The following DSCAM variants were observed in gnomAD, a reference collection of about 807,000 sequenced individuals.
The protein encoded by DSCAM is DS cell adhesion molecule, also known as cell adhesion molecule DSCAM.
A neutral mutation model predicts 217.7 loss-of-function variants in DSCAM; 47 were observed. That is an observed-to-expected ratio of 0.22 (90% CI 0.17 to 0.28). The LOEUF (loss-of-function observed/expected upper bound fraction) is 0.28. Ranked by LOEUF, DSCAM falls within the 10% of genes least tolerant of loss-of-function variation. The pLI is 1.00. For synonymous variants in DSCAM, 1,056 were observed against 1,015.3 expected, an observed-to-expected ratio of 1.04 and a Z score of -0.76; for missense variants, 2,080 against 2,618.3, an observed-to-expected ratio of 0.79 and a Z score of 4.49.
At chr21:40,471,789 A>T (rs1569137308) in intron 3 of DSCAM, among the ~76,000 whole-genome samples, 1 of 152,086 alleles carries the variant, frequency 6.6e-6, no homozygotes, top group East Asian at 1.9e-4. Flanking sequence ...TACTTTACTT[A>T]ATTTTTATTT....
intron 3 of DSCAM, among the ~76,000 whole-genome samples, chr21:40,565,094 T>TTTGTATGCCG (rs1568908929): frequency 1.7e-4 from 26 of 152,106 alleles, no homozygotes; most frequent in Admixed American, 6.5e-4. Flanking sequence ...AGCCAAGAAG[T>TTTGTATGCCG]GCAGCCTTTG....
At chr21:40,811,206 G>A (rs888549816) in intron 1 of DSCAM, among the ~76,000 whole-genome samples, 1 of 152,200 alleles carries the variant, frequency 6.6e-6, no homozygotes, top group African/African-American at 2.4e-5. Flanking sequence ...AGCGTGCAGA[G>A]TCAAGGAGCA....
At chr21:40,314,082 G>A (rs527790361) in intron 8 of DSCAM, among the ~76,000 whole-genome samples, 67 of 152,310 alleles carry the variant, frequency 4.4e-4, no homozygotes, top group African/African-American at 8.4e-4. Context: ...AGCAGTGAAC[G>A]TGCTGGGCAC....
At chr21:40,437,680 G>A (rs963187326) in intron 3 of DSCAM, among the ~76,000 whole-genome samples, 4 of 151,834 alleles carry the variant, frequency 2.6e-5, no homozygotes, top group Admixed American at 6.6e-5. Flanking sequence ...GTGAGACCCC[G>A]TCACTACTAA....
chr21:40,550,662 G>A (rs2076622658), intron 3 of DSCAM, among the ~76,000 whole-genome samples: 3 of 152,202 alleles, frequency 2.0e-5, no homozygotes, highest in Non-Finnish European at 2.9e-5. Flanking sequence ...TTTCTCTAGA[G>A]TAGTAGTAGC....
At chr21:40,477,070 T>G (rs1404283856) in intron 3 of DSCAM, among the ~76,000 whole-genome samples, 1 of 152,190 alleles carries the variant, frequency 6.6e-6, no homozygotes, top group African/African-American at 2.4e-5. Context: ...AAATAGTATT[T>G]AAGGAAGACT....
At chr21:40,555,176 G>A (rs2076661288) in intron 3 of DSCAM, among the ~76,000 whole-genome samples, 1 of 152,142 alleles carries the variant, frequency 6.6e-6, no homozygotes, top group African/African-American at 2.4e-5. Context: ...TAAGTAACTA[G>A]CTCAGGGTCT....
At chr21:40,625,415 C>G (rs1209533825) in intron 3 of DSCAM, among the ~76,000 whole-genome samples, 3 of 152,180 alleles carry the variant, frequency 2.0e-5, no homozygotes. Context: ...AAAGGCCCAC[C>G]ATCCTGTGTC....
intron 16 of DSCAM, among the ~76,000 whole-genome samples, chr21:40,162,784 G>A (rs539407849): frequency 6.6e-6 from 1 of 152,174 alleles, no homozygotes. Flanking sequence ...AATACTGAGG[G>A]CCAAATGGTA....
At chr21:40,168,549 T>C (rs542500390) in intron 15 of DSCAM, among the ~76,000 whole-genome samples, 1 of 152,298 alleles carries the variant, frequency 6.6e-6, no homozygotes, top group South Asian at 2.1e-4. Flanking sequence ...TTGACAATTT[T>C]TAGATCACTG....
At chr21:40,831,521 A>G (rs2092011998) in intron 1 of DSCAM, among the ~76,000 whole-genome samples, 1 of 152,138 alleles carries the variant, frequency 6.6e-6, no homozygotes, top group African/African-American at 2.4e-5. Context: ...CTGATACAAA[A>G]CTCACAATTT....
chr21:40,836,088 A>T (rs1219089868), intron 1 of DSCAM, among the ~76,000 whole-genome samples: 1 of 152,186 alleles, frequency 6.6e-6, no homozygotes, highest in Non-Finnish European at 1.5e-5. Context: ...CAAAACCTCT[A>T]GCTGCAAACA....
chr21:40,108,986 TA>T (rs1568944317), intron 20 of DSCAM, among the ~76,000 whole-genome samples: 1 of 152,174 alleles, frequency 6.6e-6, no homozygotes, highest in Non-Finnish European at 1.5e-5. Context: ...TTACACGATA[TA>T]CAAAAATCAA....
At chr21:40,084,442 A>T (rs1226951582) in intron 23 of DSCAM, among the ~76,000 whole-genome samples, 4 of 151,982 alleles carry the variant, frequency 2.6e-5, no homozygotes, top group Non-Finnish European at 4.4e-5. Flanking sequence ...GAGGAAAAAT[A>T]GCTAGTGGGA....
intron 11 of DSCAM, among the ~76,000 whole-genome samples, chr21:40,212,877 C>G (rs558676275): frequency 6.6e-6 from 1 of 152,154 alleles, no homozygotes. Flanking sequence ...GGAGAAGGCA[C>G]AGAGACACAA....
intron 1 of DSCAM, among the ~76,000 whole-genome samples, chr21:40,779,640 G>A (rs2091521859): frequency 6.6e-6 from 1 of 152,184 alleles, no homozygotes. Flanking sequence ...ATGATAAAAA[G>A]TTAAGAGGAA....
chr21:40,045,008 T>G (rs1037688117), intron 30 of DSCAM, among the ~76,000 whole-genome samples: 11 of 152,152 alleles, frequency 7.2e-5, no homozygotes, highest in African/African-American at 2.7e-4. Context: ...TGGAATAGGG[T>G]TGGCCCTTAA....
At chr21:40,443,139 T>G (rs921180354) in intron 3 of DSCAM, among the ~76,000 whole-genome samples, 3 of 152,228 alleles carry the variant, frequency 2.0e-5, no homozygotes, top group African/African-American at 4.8e-5. Flanking sequence ...AGGAAGGCTA[T>G]GTGGATCTTC....
rs560495820 is a variant in DSCAM, at chr21:40,039,870, A to G, written c.5686+2501T>C. Among the ~76,000 whole-genome samples the G allele has an allele frequency of 2.0e-4, 30 of 152,322 alleles. No individual in the cohort carries two copies. The South Asian group carries it at 6.2e-3, about 32-fold the overall frequency. On this transcript the variant is annotated intron_variant, in intron 32 of 32. Transcript: ENST00000400454. Reference sequence around the variant, plus strand: ...AAAGGACCATCAGAAAAGAAGCTCTAAAGTTGAGGAGGAAGAAATTGAGAG... The same window carrying G: ...AAAGGACCATCAGAAAAGAAGCTCTGAAGTTGAGGAGGAAGAAATTGAGAG...
Sources: allele counts gnomAD v4.1 joint callset (sites outside exome capture counted in the v4.1 genomes callset), GRCh38; gene constraint gnomAD v4.1.1; transcripts MANE v1.5; gene names NCBI Gene and HGNC (gene_info 2026-07-23, HGNC 2026-07-21).